The following NCOA7 variants were observed in gnomAD, a reference collection of about 807,000 sequenced individuals.
The protein encoded by NCOA7 is 140 kDa estrogen receptor-associated protein.
Under a neutral mutation model 104.3 loss-of-function variants are expected in NCOA7, and 45 were observed. That is an observed-to-expected ratio of 0.43 (90% CI 0.34 to 0.55). NCOA7 has a LOEUF of 0.55. Among genes scored for constraint, NCOA7 ranks in the 20% least tolerant of loss-of-function variants. The pLI is 0.02. For missense variants in NCOA7, 1,041 were observed against 1,119.7 expected, an observed-to-expected ratio of 0.93 and a Z score of 1.00; for synonymous variants, 398 against 402.3, an observed-to-expected ratio of 0.99 and a Z score of 0.13.
At chr6:125,810,836 T>C (rs1364242179) in intron 1 of NCOA7, among the ~76,000 whole-genome samples, 1 of 152,194 alleles carries the variant, frequency 6.6e-6, no homozygotes, top group Non-Finnish European at 1.5e-5. Context: ...GATTAGCATA[T>C]TTTTCATTTA....
chr6:125,889,540 G>A lies in NCOA7; in HGVS notation c.1486G>A (p.Val496Met), dbSNP rs984770226. Reference protein sequence around the residue: ...TCEKQDIMPEVDKQSGSPESR... With the variant: ...TCEKQDIMPEMDKQSGSPESR... ...TGAGAAGCAAGATATAATGCCAGAA[G>A]TGGACAAGCAGTCTGGTTCGCCAGA... Residue 496 changes from valine (V) to methionine (M), a missense_variant, in exon 9 of 16, where the codon GTG becomes ATG. By Grantham distance (21) the Val-to-Met change is conservative (BLOSUM62 1). Coordinates refer to ENST00000392477, the MANE Select transcript of NCOA7 (RefSeq NM_181782.5). The A allele has an allele frequency of 1.0e-4, 164 of 1,613,966 alleles. No homozygotes were observed. Among genetic ancestry groups the A allele is most frequent in the Non-Finnish European group, 1.4e-4 (160 of 1,179,974 alleles).
chr6:125,781,358 T>C (rs977637251), exon 1 of NCOA7: 1 of 152,206 alleles, frequency 6.6e-6, no homozygotes, highest in African/African-American at 2.4e-5. Flanking sequence ...CATCATCCAT[T>C]ACCACAAAAT....
intron 2 of NCOA7, among the ~76,000 whole-genome samples, chr6:125,821,972 C>T (rs1778227644): frequency 6.6e-6 from 1 of 152,212 alleles, no homozygotes; most frequent in African/African-American, 2.4e-5. Context: ...TGCTCCTTGT[C>T]TCCAGCCCCA....
At chr6:125,907,366 G>A (rs10782230) in intron 10 of NCOA7, among the ~76,000 whole-genome samples, 73,210 of 151,988 alleles carry the variant, frequency 0.48, 17,753 homozygotes, top group Admixed American at 0.59. Flanking sequence ...CCACCTGAGC[G>A]ATGGGGGAAG....
At chr6:125,833,451 C>CA (rs1230196476) in intron 2 of NCOA7, among the ~76,000 whole-genome samples, 1 of 152,006 alleles carries the variant, frequency 6.6e-6, no homozygotes, top group Non-Finnish European at 1.5e-5. Context: ...CGAGGTGTGA[C>CA]AGGCTCCTGT....
chr6:125,877,111 G>A (rs1345738123), intron 4 of NCOA7, among the ~76,000 whole-genome samples: 5 of 152,088 alleles, frequency 3.3e-5, no homozygotes, highest in African/African-American at 1.2e-4. Flanking sequence ...GTTTACTTTA[G>A]TGATTTAAAA....
upstream of NCOA7, among the ~76,000 whole-genome samples, chr6:125,788,757 T>C (rs60687777): frequency 0.12 from 17,464 of 146,820 alleles, 1,399 homozygotes; most frequent in African/African-American, 0.22. Flanking sequence ...TTGGCCAGGA[T>C]GGTCTCGATC....
chr6:125,849,961 A>C (rs1314270463), intron 2 of NCOA7, among the ~76,000 whole-genome samples: 1 of 152,186 alleles, frequency 6.6e-6, no homozygotes, highest in Non-Finnish European at 1.5e-5. Context: ...TAGATGAAAT[A>C]ATGGGAGTTC....
At chr6:125,837,110 C>T (rs564741311) in intron 2 of NCOA7, among the ~76,000 whole-genome samples, 2 of 152,222 alleles carry the variant, frequency 1.3e-5, no homozygotes, top group East Asian at 1.9e-4. Context: ...GTGTGTAAAG[C>T]GACTTTGCTT....
At chr6:125,801,046 A>G (rs1250472770) in intron 1 of NCOA7, among the ~76,000 whole-genome samples, 1 of 152,200 alleles carries the variant, frequency 6.6e-6, no homozygotes, top group Non-Finnish European at 1.5e-5. Flanking sequence ...AAAAAGAAAT[A>G]ACATAAAGAA....
chr6:125,928,904 G>C lies in NCOA7; in HGVS notation c.*133G>C, dbSNP rs994214490. ...ATGCTTCCTTTCTGCCATCATCTCA[G>C]AGCATGATCACATTGCAGAAAGATT... On this transcript the variant is annotated 3_prime_UTR_variant, in exon 16 of 16. Coordinates refer to ENST00000392477, the MANE Select transcript of NCOA7 (RefSeq NM_181782.5). The C allele has an allele frequency of 3.2e-6, 3 of 944,446 alleles. No homozygotes were observed. The highest frequency in any genetic ancestry group is 3.4e-5 in the African/African-American group (2 of 59,134). The allele number at this position is 944,446 out of a possible 1,614,324, so 58.5% of individuals were successfully genotyped here.
chr6:125,786,273 A>T (rs1774460868), upstream of NCOA7: 1 of 152,186 alleles, frequency 6.6e-6, no homozygotes, highest in Non-Finnish European at 1.5e-5. Flanking sequence ...AGGTTCACTA[A>T]AGAGTGAATT....
chr6:125,852,539 G>A (rs1781214268), intron 2 of NCOA7, among the ~76,000 whole-genome samples: 1 of 152,076 alleles, frequency 6.6e-6, no homozygotes. Flanking sequence ...TGTGGTATCA[G>A]GTCTTAGAGT....
chr6:125,875,013 A>C (rs779119063), intron 4 of NCOA7, 45 bp downstream of exon 4: 2 of 1,397,264 alleles, frequency 1.4e-6, no homozygotes, highest in African/African-American at 1.4e-5. Context: ...ATAGCACTAC[A>C]TTTATATAAT....
At chr6:125,853,067 T>A (rs1415620969) in intron 2 of NCOA7, among the ~76,000 whole-genome samples, 10 of 152,126 alleles carry the variant, frequency 6.6e-5, no homozygotes, top group Admixed American at 5.9e-4. Context: ...GAGCATGGGG[T>A]GTATTTTTAT....
chr6:125,903,464 C>T (rs964832156), intron 10 of NCOA7, among the ~76,000 whole-genome samples: 9 of 152,182 alleles, frequency 5.9e-5, no homozygotes, highest in Admixed American at 5.9e-4. Flanking sequence ...CATGTCTCTT[C>T]CTGCTAAAGC....
intron 2 of NCOA7, among the ~76,000 whole-genome samples, chr6:125,829,440 A>G (rs1488044586): frequency 1.3e-5 from 2 of 152,214 alleles, no homozygotes; most frequent in African/African-American, 2.4e-5. Flanking sequence ...CCAATCATTC[A>G]TATCTGTTTT....
Position 125,855,132 on chromosome 6 carries a change from T to G in NCOA7, c.163T>G (p.Cys55Gly), listed in dbSNP as rs1251991506. 1.2e-6 allele frequency: 2 copies of G among 1,613,140 alleles called. No individual in the cohort carries two copies. The highest frequency in any genetic ancestry group is 4.5e-5 in the East Asian group (2 of 44,842). ...TACAGTAGTTTTAGAGCCAGACAAGTGCAACATTGCTGTGGAAGAGGAATA... is the reference window on the plus strand; with the variant it reads ...TACAGTAGTTTTAGAGCCAGACAAGGGCAACATTGCTGTGGAAGAGGAATA... ...NNTVVLEPDK[C>G]NIAVEEEYMT... The change falls in exon 3 of 16, where the codon TGC becomes GGC. Residue 55 changes from cysteine (C) to glycine (G), a missense_variant. Cys to Gly is a radical substitution (Grantham distance 159, BLOSUM62 -3). Around this residue, in one of 2 missense-constraint regions of NCOA7, gnomAD observed 914 missense variants for 942.7 expected, o/e 0.97. Coordinates refer to ENST00000392477, the MANE Select transcript of NCOA7 (RefSeq NM_181782.5).
chr6:125,895,555 T>A (rs1216388865), intron 10 of NCOA7, among the ~76,000 whole-genome samples: 1 of 152,208 alleles, frequency 6.6e-6, no homozygotes, highest in East Asian at 1.9e-4. Context: ...ATTCTTGGGT[T>A]GCTATAAAGA....
Sources: allele counts gnomAD v4.1 joint callset (sites outside exome capture counted in the v4.1 genomes callset), GRCh38; gene constraint gnomAD v4.1.1; regional missense constraint gnomAD v4.1.1; transcripts MANE v1.5; gene names NCBI Gene and HGNC (gene_info 2026-07-23, HGNC 2026-07-21).